Variants in TTN observed in about 807,000 individuals in gnomAD.
The protein encoded by TTN is titin.
Under a neutral mutation model 3,223.0 loss-of-function variants are expected in TTN, and 1,525 were observed. The observed-to-expected ratio is 0.47, with a 90% confidence interval of 0.45 to 0.49. The LOEUF is 0.49. TTN is among the 20% of genes least tolerant of loss of function. The pLI is 0.00. For synonymous variants in TTN, 14,094 were observed against 15,161.0 expected, an observed-to-expected ratio of 0.93 and a Z score of 5.17; for missense variants, 40,786 against 43,424.0, an observed-to-expected ratio of 0.94 and a Z score of 5.40.
In TTN at chr2:178,552,811, AC is replaced by A; in HGVS notation, c.90088del (p.Val30030TyrfsTer10). On this transcript the variant is annotated frameshift_variant, in exon 335 of 363. Transcript: ENST00000589042. LOFTEE classifies it high-confidence loss of function. ...TGAGAGATCACGTATAGGAGCTGGT[AC>A]TTCAGCAGCCTTCACTGGCTCTGTA... ...ETTEPVKAAE[V>X]PAPIRDLSMK... 2 of 1,613,896 alleles carry A rather than the reference AC, an allele frequency of 1.2e-6. No individual in the cohort carries two copies. Among genetic ancestry groups the A allele is most frequent in the Non-Finnish European group, 1.7e-6 (2 of 1,179,824 alleles).
rs375770526 is a variant in TTN, at chr2:178,652,084, T to A, written c.39295+12A>T. On this transcript the variant is annotated intron_variant, in intron 204 of 362. Transcript: ENST00000589042. ...TTTTAAAAAACACTAATTTGAATAG[T>A]TTCATTATTACCTTCAGGGGGAGGA... The A allele has an allele frequency of 1.2e-6, 2 of 1,613,250 alleles. No individual in the cohort carries two copies. Among genetic ancestry groups the A allele is most frequent in the African/African-American group, 2.7e-5 (2 of 74,956 alleles).
chr2:178,751,089 G>A, intron 47 of TTN: 1 of 1,612,738 alleles, frequency 6.2e-7, no homozygotes, highest in Non-Finnish European at 8.5e-7. Flanking sequence ...TGTGGATTTT[G>A]CACAATACTC....
At position 178,585,567 on chromosome 2, in the gene TTN, A is replaced by AT. The variant is rs2048752128; in HGVS notation, c.64397-221dup. ...CATCAACACATCGTCTACATTAGGT[A>AT]TTCTCCTAATGCTATCCTTCCCCTA... On this transcript the variant is annotated intron_variant, in intron 308 of 362. Coordinates refer to ENST00000589042, the MANE Select transcript of TTN (RefSeq NM_001267550.2). Among the ~76,000 whole-genome samples, 3 of 152,046 alleles carry AT rather than the reference A, an allele frequency of 2.0e-5. No homozygotes were observed. The East Asian group carries it at 5.8e-4, about 30-fold the overall frequency.
rs751243461 is a variant in TTN, at chr2:178,528,845, C to T, written c.106906G>A (p.Val35636Met). 1.2e-5 allele frequency: 19 copies of T among 1,613,908 alleles called. No homozygotes were observed. The highest frequency in any genetic ancestry group is 1.4e-5 in the Non-Finnish European group (17 of 1,179,896). Residue 35636 changes from valine (V) to methionine (M), a missense_variant, in exon 360 of 363, where the codon GTG becomes ATG. Coordinates refer to ENST00000589042, the MANE Select transcript of TTN (RefSeq NM_001267550.2). The part of the protein sequence containing the change: ...LKANIAGATD[V>M]KWVLNGVELT... ...TCTACGCCATTCAGTACCCATTTCA[C>T]ATCAGTGGCACCAGCAATGTTGGCT...
Position 178,571,198 on chromosome 2 carries a change from T to C in TTN, c.74934A>G (p.Glu24978=). 1 of 1,613,568 alleles carries C rather than the reference T, an allele frequency of 6.2e-7. No individual in the cohort carries two copies. The highest frequency in any genetic ancestry group is 2.2e-5 in the East Asian group (1 of 44,804). The part of the protein sequence containing the change: ...FKTTGLEEGV[E]YEFRVSAENI... ...TCTCTGCAGAGACTCTAAATTCATA[T>C]TCAACACCTTCTTCAAGGCCAGTTG... The change falls in exon 326 of 363, where the codon GAA becomes GAG. Residue 24978 remains glutamate (E), a synonymous_variant. Transcript: ENST00000589042.
intron 7 of TTN, 117 bp from the exon 8 acceptor site, chr2:178,794,668 T>C: frequency 7.9e-7 from 1 of 1,273,046 alleles, no homozygotes; most frequent in South Asian, 1.2e-5. Context: ...CATAAGCATT[T>C]ATTATTGCCA....
rs1242533868 is a variant in TTN, at chr2:178,536,250, T to G, written c.100497A>C (p.Lys33499Asn). 1.2e-6 allele frequency: 2 copies of G among 1,613,606 alleles called. No homozygotes were observed. The highest frequency in any genetic ancestry group is 4.5e-5 in the East Asian group (2 of 44,854). ...SDVPIQAPHF[K>N]EELRNLNVRY... ...TGACATTTAGATTTCTCAGTTCCTC[T>G]TTAAAGTGTGGTGCCTGAATTGGGA... The change falls in exon 357 of 363, where the codon AAA becomes AAC. Residue 33499 changes from lysine to asparagine, a missense_variant. Lys to Asn is a moderately conservative substitution (Grantham distance 94). Transcript: ENST00000589042.
In TTN at chr2:178,774,322, A is replaced by G. The variant is rs762511156; in HGVS notation, c.6942T>C (p.Ile2314=). 4 of 1,613,928 alleles carry G rather than the reference A, an allele frequency of 2.5e-6. No homozygotes were observed. In the African/African-American group the frequency reaches 5.3e-5, roughly 22 times the overall value. ...GGTTCTGACGTCCACGACGAGATGTAATTGTATATTTGCCATTGGATTTAA... is the reference window on the plus strand; with the variant it reads ...GGTTCTGACGTCCACGACGAGATGTGATTGTATATTTGCCATTGGATTTAA... The part of the protein sequence containing the change: ...VELKSNGKYT[I]TSRRGRQNLT... Residue 2314 remains isoleucine, a synonymous_variant, in exon 30 of 363, where the codon ATT becomes ATC. Coordinates refer to ENST00000589042, the MANE Select transcript of TTN (RefSeq NM_001267550.2).
rs761223583 is a variant in TTN at position 178,723,318 on chromosome 2, G to A, written c.21689C>T (p.Ala7230Val). The change falls in exon 75 of 363, where the codon GCT (alanine) becomes GTT (valine). Residue 7230 changes from alanine to valine, a missense_variant. Transcript: ENST00000589042. Reference sequence around the variant, plus strand: ...ATCACTTAATCTCTTCAAAAATGCAGCTGGTTCTAGTAAGTGACAAAGCAC... The same window carrying A: ...ATCACTTAATCTCTTCAAAAATGCAACTGGTTCTAGTAAGTGACAAAGCAC... Reference protein sequence around the residue: ...CTTRLFVKEPAAFLKRLSDHS... With the variant: ...CTTRLFVKEPVAFLKRLSDHS... 44 of 1,611,264 alleles carry A rather than the reference G, an allele frequency of 2.7e-5. No homozygotes were observed. Among genetic ancestry groups the A allele is most frequent in the Admixed American group, 1.8e-4 (11 of 59,754 alleles).
intron 107 of TTN, 24 bp downstream of exon 107, chr2:178,702,430 C>A: frequency 6.2e-7 from 1 of 1,613,136 alleles, no homozygotes; most frequent in Non-Finnish European, 8.5e-7. Context: ...TATACATTCA[C>A]TGGAAAACTG....
In TTN at chr2:178,594,008, T is replaced by G; in HGVS notation, c.58385A>C (p.Glu19462Ala). Residue 19462 changes from glutamate to alanine, a missense_variant, in exon 297 of 363, where the codon GAG (glutamate) becomes GCG (alanine). Physicochemically the swap from Glu to Ala is moderately radical, Grantham distance 107. Transcript: ENST00000589042. ...ACCTTTCCTAGAGCCTGTACTGTTC[T>G]CCACAACCACACAGTATTTGCCGGA... ...SDSGKYCVVVENSTGSRKGFC... is the reference protein window; with the variant it reads ...SDSGKYCVVVANSTGSRKGFC... 1 of 1,613,638 alleles carries G rather than the reference T, an allele frequency of 6.2e-7. No individual in the cohort carries two copies. Among genetic ancestry groups the G allele is most frequent in the Non-Finnish European group, 8.5e-7 (1 of 1,179,672 alleles).
intron 6 of TTN, among the ~76,000 whole-genome samples, chr2:178,797,345 A>G (rs1282499607): frequency 6.6e-6 from 1 of 151,564 alleles, no homozygotes; most frequent in African/African-American, 2.4e-5. Flanking sequence ...TGGCTAAAAC[A>G]ATAAAAATTG....
chr2:178,729,052 T>A lies in TTN; in HGVS notation c.18986A>T (p.Asp6329Val), dbSNP rs781304014. 1.9e-6 allele frequency: 3 copies of A among 1,612,864 alleles called. No individual in the cohort carries two copies. The highest frequency in any genetic ancestry group is 4.5e-5 in the East Asian group (2 of 44,750). The change falls in exon 65 of 363, where the codon GAT (aspartate) becomes GTT (valine). Residue 6329 changes from aspartate (D) to valine (V), a missense_variant. Transcript: ENST00000589042. ...PPISITWLKDDQILDEDDNVY... is the reference protein window; with the variant it reads ...PPISITWLKDVQILDEDDNVY... The stretch of plus-strand genomic sequence containing the variant: ...ATTATCATCTTCATCAAGAATCTGA[T>A]CATCCTTTAGCCAGGTTATAGAAAT...
intron 50 of TTN, 79 bp from the exon 51 acceptor site, chr2:178,735,067 A>G: frequency 7.1e-7 from 1 of 1,418,086 alleles, no homozygotes; most frequent in Admixed American, 2.8e-5. Flanking sequence ...GACATATACA[A>G]CAAAGAGACC....
In TTN at chr2:178,570,356, A is replaced by C. The variant is rs369977691; in HGVS notation, c.75776T>G (p.Val25259Gly). 1.2e-6 allele frequency: 2 copies of C among 1,613,162 alleles called. No homozygotes were observed. Among genetic ancestry groups the C allele is most frequent in the Admixed American group, 3.3e-5 (2 of 59,940 alleles). ...AGTAACCTTGCAGCTGAGAGTCTGC[A>C]CATTGGCATCAACCACAGTCCAAAC... is the stretch of plus-strand genomic sequence containing the variant. ...RLVWTVVDANVQTLSCKVTKL... is the reference protein window; with the variant it reads ...RLVWTVVDANGQTLSCKVTKL... The change falls in exon 326 of 363, where the codon GTG becomes GGG. Residue 25259 changes from valine (V) to glycine (G), a missense_variant. By Grantham distance (109) the Val-to-Gly change is moderately radical (BLOSUM62 -3). Coordinates refer to ENST00000589042, the MANE Select transcript of TTN (RefSeq NM_001267550.2).
In TTN at chr2:178,552,863, T is replaced by C. The variant is rs902222433; in HGVS notation, c.90037A>G (p.Ile30013Val). The C allele has an allele frequency of 1.9e-6, 3 of 1,613,704 alleles. No individual in the cohort carries two copies. The highest frequency in any genetic ancestry group is 2.7e-5 in the African/African-American group (2 of 74,942). The change falls in exon 335 of 363, where the codon ATT becomes GTT. Residue 30013 changes from isoleucine (I) to valine (V), a missense_variant. Transcript: ENST00000589042. ...GTTTCACAGGGTTCCCCAATTCCAA[T>C]TTCATTTTCTGCAAGAACTCTGAAG... is the stretch of plus-strand genomic sequence containing the variant. Reference protein sequence around the residue: ...FFFRVLAENEIGIGEPCETTE... With the variant: ...FFFRVLAENEVGIGEPCETTE...
chr2:178,584,891 G>T lies in TTN; in HGVS notation c.64750C>A (p.Pro21584Thr), dbSNP rs762924797. The change falls in exon 310 of 363, where the codon CCT (proline) becomes ACT (threonine). Residue 21584 changes from proline to threonine, a missense_variant. Pro to Thr is a conservative substitution (Grantham distance 38). Coordinates refer to ENST00000589042, the MANE Select transcript of TTN (RefSeq NM_001267550.2). ...ADACSLSWHI[P>T]LEDGGSNITN... ...ATGTTACTGCCTCCGTCCTCCAGAG[G>T]GATGTGCCATGACAGGGAGCAAGCA... 1 of 1,613,318 alleles carries T rather than the reference G, an allele frequency of 6.2e-7. No individual in the cohort carries two copies. Among genetic ancestry groups the T allele is most frequent in the South Asian group, 1.1e-5 (1 of 91,054 alleles).
chr2:178,789,249 A>C, intron 13 of TTN, 111 bp downstream of exon 13: 1 of 1,467,654 alleles, frequency 6.8e-7, no homozygotes, highest in Non-Finnish European at 9.4e-7. Context: ...TGACTCATAC[A>C]TAAGAAATTC....
At chr2:178,749,451 G>A (rs778260223) in intron 47 of TTN, 4 of 1,612,862 alleles carry the variant, frequency 2.5e-6, no homozygotes, top group East Asian at 4.5e-5. Context: ...TGGTCTATTT[G>A]CTCAATAGTC....
Sources: gnomAD v4.1 joint callset for allele counts (sites outside exome capture counted in the v4.1 genomes callset) on GRCh38, gnomAD v4.1.1 for gene constraint, MANE v1.5 for transcripts, NCBI Gene and HGNC (gene_info 2026-07-23, HGNC 2026-07-21) for gene names.